The following SMG6 variants were observed in gnomAD, a reference collection of about 807,000 sequenced individuals.
SMG6 encodes the protein telomerase-binding protein EST1A.
SMG6 carries 66 observed loss-of-function variants against 142.2 expected under a neutral mutation model. The ratio of observed to expected loss-of-function variants is 0.46; its 90% CI spans 0.38 to 0.57. SMG6 has a LOEUF of 0.57. Among genes scored for constraint, SMG6 ranks in the 20% least tolerant of loss-of-function variants. The pLI is 0.00. For synonymous variants in SMG6, 779 were observed against 702.4 expected (o/e 1.11, Z -1.72); for missense variants, 1,793 against 1,832.0 (o/e 0.98, Z 0.39).
chr17:2,290,922 G>C (rs2075016845), intron 6 of SMG6, among the ~76,000 whole-genome samples: 1 of 152,162 alleles, frequency 6.6e-6, no homozygotes, highest in African/African-American at 2.4e-5. Context: ...ATTTATGTGA[G>C]ACATCCAGAA....
intron 2 of SMG6, 95 bp from the exon 3 acceptor site, chr17:2,298,150 G>T (rs148100355): frequency 4.3e-6 from 5 of 1,153,440 alleles, no homozygotes; most frequent in Non-Finnish European, 6.0e-6. Context: ...CACCTCCCCT[G>T]GCAGGAAATA....
chr17:2,237,767 G>C (rs1424565169), intron 9 of SMG6, among the ~76,000 whole-genome samples: 5 of 152,128 alleles, frequency 3.3e-5, no homozygotes, highest in Admixed American at 3.3e-4. Context: ...GAGCTTCTTT[G>C]GCAACAGAAA....
chr17:2,218,747 C>G (rs990828862), intron 10 of SMG6, among the ~76,000 whole-genome samples: 4 of 152,122 alleles, frequency 2.6e-5, no homozygotes, highest in Admixed American at 6.5e-5. Context: ...AACTTACTCA[C>G]TCAGAGTGAT....
chr17:2,262,756 CTG>C (rs1221634496), intron 8 of SMG6, among the ~76,000 whole-genome samples: 1 of 152,074 alleles, frequency 6.6e-6, no homozygotes, highest in African/African-American at 2.4e-5. Flanking sequence ...TCTTACTAGA[CTG>C]TGTTTTTGAG....
At chr17:2,117,643 G>A (rs2069548664) in intron 13 of SMG6, 1 of 152,090 alleles carries the variant, frequency 6.6e-6, no homozygotes, top group Admixed American at 6.6e-5. Context: ...CTAGGTAAAA[G>A]GCTAGCTATA....
intron 13 of SMG6, among the ~76,000 whole-genome samples, chr17:2,092,011 G>A (rs2068739994): frequency 6.7e-6 from 1 of 149,518 alleles, no homozygotes; most frequent in Non-Finnish European, 1.5e-5. Context: ...TTGAGACAGA[G>A]TCTTGCTCAG....
chr17:2,205,317 T>C (rs2072646051), intron 10 of SMG6, among the ~76,000 whole-genome samples: 1 of 152,260 alleles, frequency 6.6e-6, no homozygotes, highest in South Asian at 2.1e-4. Context: ...GATCCGTCCA[T>C]CTTGCTGGGA....
intron 13 of SMG6, among the ~76,000 whole-genome samples, chr17:2,111,016 G>C (rs1200285257): frequency 6.6e-6 from 1 of 152,202 alleles, no homozygotes; most frequent in Non-Finnish European, 1.5e-5. Flanking sequence ...GGAGCTCGTA[G>C]AGCCTCACAG....
chr17:2,133,250 A>C (rs772438925), intron 13 of SMG6, among the ~76,000 whole-genome samples: 1 of 151,162 alleles, frequency 6.6e-6, no homozygotes. Flanking sequence ...TCTGGGGGGG[A>C]AAAAAAAGTT....
intron 10 of SMG6, among the ~76,000 whole-genome samples, chr17:2,197,801 A>G (rs1015679578): frequency 1.1e-4 from 16 of 152,212 alleles, no homozygotes; most frequent in African/African-American, 3.4e-4. Flanking sequence ...TATCTATCAG[A>G]ATGGCTAAAA....
At chr17:2,263,014 G>A (rs1305946851) in intron 8 of SMG6, among the ~76,000 whole-genome samples, 1 of 152,060 alleles carries the variant, frequency 6.6e-6, no homozygotes, top group Admixed American at 6.6e-5. Context: ...ATACTATACT[G>A]TAAGATAAAA....
In SMG6 at chr17:2,162,391, A is replaced by G. The variant is rs199765461; in HGVS notation, c.3357+10267T>C. 7.4e-4 allele frequency among the ~76,000 whole-genome samples: 112 copies of G among 151,884 alleles called. 1 individual carries two copies. The East Asian group carries it at 0.017, about 23-fold the overall frequency. ...TAGCCAGGCGTGGTGGTGGGCGCCTATAGTCCCAGCTACTCGGGAGGCTGA... is the reference window on the plus strand; with the variant it reads ...TAGCCAGGCGTGGTGGTGGGCGCCTGTAGTCCCAGCTACTCGGGAGGCTGA... On this transcript the variant is annotated intron_variant, in intron 13 of 18. Transcript: ENST00000263073.
At chr17:2,136,456 A>T (rs776270159) in intron 13 of SMG6, among the ~76,000 whole-genome samples, 1 of 152,142 alleles carries the variant, frequency 6.6e-6, no homozygotes, top group Non-Finnish European at 1.5e-5. Flanking sequence ...CATCTATCTC[A>T]TTGATTCTAA....
intron 13 of SMG6, among the ~76,000 whole-genome samples, chr17:2,120,369 G>A (rs1053003300): frequency 8.5e-5 from 13 of 152,150 alleles, no homozygotes; most frequent in African/African-American, 2.7e-4. Flanking sequence ...AAGAAAATGG[G>A]AGGAAGATGT....
chr17:2,286,591 T>C (rs894075332), intron 6 of SMG6, among the ~76,000 whole-genome samples: 1 of 152,124 alleles, frequency 6.6e-6, no homozygotes, highest in Non-Finnish European at 1.5e-5. Flanking sequence ...ATACTATATA[T>C]AAAAATTCAC....
chr17:2,212,455 C>T (rs2072893993), intron 10 of SMG6, among the ~76,000 whole-genome samples: 1 of 152,134 alleles, frequency 6.6e-6, no homozygotes, highest in African/African-American at 2.4e-5. Flanking sequence ...ATCAGGACTG[C>T]AGTGCTGCTG....
At chr17:2,149,118 G>T (rs2151593887) in intron 13 of SMG6, among the ~76,000 whole-genome samples, 1 of 152,140 alleles carries the variant, frequency 6.6e-6, no homozygotes, top group African/African-American at 2.4e-5. Flanking sequence ...GGGAGGCCGG[G>T]GAGAGTGGAT....
intron 16 of SMG6, among the ~76,000 whole-genome samples, chr17:2,067,918 T>G (rs2067995767): frequency 6.6e-6 from 1 of 152,132 alleles, no homozygotes; most frequent in Non-Finnish European, 1.5e-5. Context: ...TCTGGTGGCT[T>G]TTCCAGAAGA....
At chr17:2,128,177 G>A (rs559733664) in intron 13 of SMG6, among the ~76,000 whole-genome samples, 42 of 152,330 alleles carry the variant, frequency 2.8e-4, no homozygotes, top group African/African-American at 9.1e-4. Flanking sequence ...TCCACGCGCC[G>A]CTTTGTCCAG....
Sources: gnomAD v4.1 joint callset for allele counts (sites outside exome capture counted in the v4.1 genomes callset) on GRCh38, gnomAD v4.1.1 for gene constraint, MANE v1.5 for transcripts, NCBI Gene and HGNC (gene_info 2026-07-23, HGNC 2026-07-21) for gene names.